The following TRIOBP variants were observed in gnomAD, a reference collection of about 807,000 sequenced individuals.
The protein encoded by TRIOBP is TRIO and F-actin binding protein.
TRIOBP carries 169 observed loss-of-function variants against 238.8 expected under a neutral mutation model. That is an observed-to-expected ratio of 0.71 (90% CI 0.62 to 0.80). The LOEUF (loss-of-function observed/expected upper bound fraction) is 0.80, where lower values mean the gene tolerates loss of function less well. Among genes scored for constraint, TRIOBP ranks in the 30% least tolerant of loss-of-function variants. The pLI, the probability that TRIOBP is intolerant of heterozygous loss-of-function variation, is 0.00. For missense variants in TRIOBP, 2,838 were observed against 3,122.6 expected, an observed-to-expected ratio of 0.91 and a Z score of 2.17; for synonymous variants, 1,150 against 1,274.4, an observed-to-expected ratio of 0.90 and a Z score of 2.08.
At chr22:37,712,884 G>A (rs1229625783) in intron 4 of TRIOBP, among the ~76,000 whole-genome samples, 3 of 151,706 alleles carry the variant, frequency 2.0e-5, no homozygotes, top group African/African-American at 7.3e-5. Flanking sequence ...ATGAACCTGG[G>A]AGGCAGAGAT....
chr22:37,759,691 G>C, intron 17 of TRIOBP: 4 of 1,513,814 alleles, frequency 2.6e-6, no homozygotes, highest in Non-Finnish European at 3.5e-6. Flanking sequence ...CACACAAGGA[G>C]GTCTGCAGGA....
chr22:37,724,863 A>G lies in TRIOBP; in HGVS notation c.2307A>G (p.Arg769=). The G allele has an allele frequency of 1.2e-6, 2 of 1,613,430 alleles. No individual in the cohort carries two copies. Among genetic ancestry groups the G allele is most frequent in the Non-Finnish European group, 1.7e-6 (2 of 1,179,888 alleles). ...PNRTIQQENL[R]TSCTRQDNPR... is the part of the protein sequence containing the mutation. ...GAACCATCCAACAAGAGAACCTCAG[A>G]ACATCCTGTACCCGACAGGACAATC... Residue 769 remains arginine (R), a synonymous_variant, in exon 7 of 24, where the codon AGA becomes AGG. Transcript: ENST00000644935.
intron 5 of TRIOBP, among the ~76,000 whole-genome samples, chr22:37,715,128 C>T (rs1347751794): frequency 6.6e-6 from 1 of 152,190 alleles, no homozygotes; most frequent in East Asian, 1.9e-4. Flanking sequence ...GATTCGCCTG[C>T]CTCAGCCTCT....
chr22:37,737,126 C>T (rs1924711119), intron 9 of TRIOBP, among the ~76,000 whole-genome samples: 1 of 152,174 alleles, frequency 6.6e-6, no homozygotes, highest in African/African-American at 2.4e-5. Flanking sequence ...GGCACACAGA[C>T]AGCTCAAGGA....
rs149021782 is a variant in TRIOBP, at chr22:37,765,832, G to GT, written c.6472+15_6472+16insT. The GT allele has an allele frequency of 9.1e-5, 144 of 1,585,340 alleles. No homozygotes were observed. The highest frequency in any genetic ancestry group is 3.3e-4 in the Admixed American group (19 of 57,702). On this transcript the variant is annotated intron_variant, in intron 18 of 23. Transcript: ENST00000644935. ...CACGGCCTCAGGTATGGACCCTGGG[G>GT]GGGGCACAGTGGGCTGGGCTCTGAG...
intron 12 of TRIOBP, among the ~76,000 whole-genome samples, chr22:37,752,374 C>T (rs892572805): frequency 3.3e-5 from 5 of 152,216 alleles, no homozygotes; most frequent in Admixed American, 6.5e-5. Context: ...GCTCCTGGCA[C>T]TTACTGTGGG....
At chr22:37,746,215 GAAAAA>G (rs58335859) in intron 11 of TRIOBP, 43 of 969,452 alleles carry the variant, frequency 4.4e-5, no homozygotes, top group African/African-American at 1.9e-4. Flanking sequence ...CAGGAAGTTT[GAAAAA>G]AAAAAAAAAA....
Position 37,723,175 on chromosome 22 carries a change from C to G in TRIOBP, c.629-10C>G. The G allele has an allele frequency of 1.2e-6, 2 of 1,613,746 alleles. No individual in the cohort carries two copies. The highest frequency in any genetic ancestry group is 8.5e-7 in the Non-Finnish European group (1 of 1,179,818). On this transcript the variant is annotated splice_polypyrimidine_tract_variant and intron_variant, in intron 6 of 23. Transcript: ENST00000644935. ...TCCCCTTACCTTGAGCCCCTCTCTT[C>G]TCTCTCCAGACACCGGCGGTGGGGG...
chr22:37,759,272 C>T lies in TRIOBP; in HGVS notation c.6324+8C>T, dbSNP rs201910230. ...CCGGGCTACATCTCACAGGTAAGGC[C>T]GGGGGGCTGTTTTTCAGGGGGAGGG... On this transcript the variant is annotated splice_region_variant and intron_variant, in intron 17 of 23. Coordinates refer to ENST00000644935, the MANE Select transcript of TRIOBP (RefSeq NM_001039141.3). 39 of 1,611,248 alleles carry T rather than the reference C, an allele frequency of 2.4e-5. No individual in the cohort carries two copies. In the African/African-American group the frequency reaches 3.2e-4, roughly 13 times the overall value.
At chr22:37,767,954 A>G in intron 18 of TRIOBP, 120 bp from the exon 19 acceptor site, 1 of 790,978 alleles carries the variant, frequency 1.3e-6, no homozygotes, top group Non-Finnish European at 2.2e-6. Flanking sequence ...TAGTACTTGC[A>G]TAGTACTATG....
chr22:37,713,432 T>A (rs1263566127), intron 5 of TRIOBP, 21 bp downstream of exon 5: 1 of 1,610,232 alleles, frequency 6.2e-7, no homozygotes, highest in Non-Finnish European at 8.5e-7. Context: ...AGTGGGAGTT[T>A]GGGGGACAAG....
Position 37,773,051 on chromosome 22 carries a change from C to T in TRIOBP, c.*2+287C>T, listed in dbSNP as rs182135404. ...CCCTTCTTGGGGCTGGAGGCAAATG[C>T]AGCGTGCACATCCCTGACCCCCACA... On this transcript the variant is annotated intron_variant, in intron 23 of 23. Coordinates refer to ENST00000644935, the MANE Select transcript of TRIOBP (RefSeq NM_001039141.3). Among the ~76,000 whole-genome samples, 3 of 152,348 alleles carry T rather than the reference C, an allele frequency of 2.0e-5. No homozygotes were observed. The East Asian group carries it at 5.8e-4, about 29-fold the overall frequency.
intron 11 of TRIOBP, among the ~76,000 whole-genome samples, chr22:37,749,626 G>T (rs941557329): frequency 6.6e-6 from 1 of 151,868 alleles, no homozygotes; most frequent in Admixed American, 6.6e-5. Context: ...TTGACCCTGG[G>T]GACAGGTTTC....
Position 37,725,073 on chromosome 22 carries a change from C to T in TRIOBP, c.2517C>T (p.Thr839=). 6.2e-7 allele frequency: 1 copy of T among 1,614,184 alleles called. No homozygotes were observed. Among genetic ancestry groups the T allele is most frequent in the Non-Finnish European group, 8.5e-7 (1 of 1,180,022 alleles). ...TQQDNPKTSC[T]KRDNLRPTCT... ...AAGACAACCCTAAAACCTCTTGTAC[C>T]AAACGAGATAACCTCAGACCCACTT... Residue 839 remains threonine (T), a synonymous_variant, in exon 7 of 24, where the codon ACC becomes ACT. Transcript: ENST00000644935.
chr22:37,757,332 C>T (rs539915050), intron 15 of TRIOBP, among the ~76,000 whole-genome samples: 47 of 152,298 alleles, frequency 3.1e-4, no homozygotes, highest in Admixed American at 1.0e-3. Flanking sequence ...CACTCTACTT[C>T]AGCCTGGGCA....
rs574666310 is a variant in TRIOBP at position 37,775,289 on chromosome 22, G to A, written c.*1509G>A. ...TTCCCACGTGGAGGCACCAGCAGGAGCAAACGTCCCTGGTGTGTTCAGGCA... is the reference window on the plus strand; with the variant it reads ...TTCCCACGTGGAGGCACCAGCAGGAACAAACGTCCCTGGTGTGTTCAGGCA... On this transcript the variant is annotated 3_prime_UTR_variant, in exon 24 of 24. Coordinates refer to ENST00000644935, the MANE Select transcript of TRIOBP (RefSeq NM_001039141.3). 6.6e-6 allele frequency: 1 copy of A among 152,356 alleles called. No homozygotes were observed. The highest frequency in any genetic ancestry group is 2.1e-4 in the South Asian group (1 of 4,828). 9.4% of individuals were successfully genotyped at this position (152,356 alleles called of 1,614,324 possible).
intron 23 of TRIOBP, among the ~76,000 whole-genome samples, chr22:37,773,062 T>C (rs1194347302): frequency 1.3e-5 from 2 of 152,130 alleles, no homozygotes; most frequent in Non-Finnish European, 2.9e-5. Flanking sequence ...AGCGTGCACA[T>C]CCCTGACCCC....
rs967861099 is a variant in TRIOBP, at chr22:37,749,186, C to G, written c.5323-2586C>G. Among the ~76,000 whole-genome samples, 4 of 152,136 alleles carry G rather than the reference C, an allele frequency of 2.6e-5. No individual in the cohort carries two copies. The East Asian group carries it at 7.7e-4, about 29-fold the overall frequency. ...CCTGGCCAGCATGGTGAAATCCCAT[C>G]TCTACTAAAAATAAAAAAATTTGCT... On this transcript the variant is annotated intron_variant, in intron 11 of 23. Coordinates refer to ENST00000644935, the MANE Select transcript of TRIOBP (RefSeq NM_001039141.3).
At position 37,734,766 on chromosome 22, in the gene TRIOBP, G is replaced by A; in HGVS notation, c.4430G>A (p.Trp1477Ter). 1.2e-6 allele frequency: 2 copies of A among 1,611,366 alleles called. No homozygotes were observed. Among genetic ancestry groups the A allele is most frequent in the Non-Finnish European group, 8.5e-7 (1 of 1,179,376 alleles). ...LGAAKAPEGA[W>*]GGTSREYKES... Reference sequence around the variant, plus strand: ...GCAGCCAAAGCCCCGGAGGGAGCATGGGGGGGCACTTCCAGGGAGTACAAG... The same window carrying A: ...GCAGCCAAAGCCCCGGAGGGAGCATAGGGGGGCACTTCCAGGGAGTACAAG... Residue 1477 changes from tryptophan to a stop codon, truncating the protein, a stop_gained, in exon 9 of 24, where the codon TGG becomes TAG. Transcript: ENST00000644935. LOFTEE classifies it high-confidence loss of function.
Sources: gnomAD v4.1 joint callset for allele counts (sites outside exome capture counted in the v4.1 genomes callset) on GRCh38, gnomAD v4.1.1 for gene constraint, MANE v1.5 for transcripts, NCBI Gene and HGNC (gene_info 2026-07-23, HGNC 2026-07-21) for gene names.